ATP10B: variants seen among roughly 807,000 people sequenced by gnomAD.
The protein encoded by ATP10B is ATPase phospholipid transporting 10B (putative), also known as phospholipid-transporting ATPase VB.
ATP10B carries 122 observed loss-of-function variants against 141.2 expected under a neutral mutation model. That is an observed-to-expected ratio of 0.86 (90% confidence interval 0.75 to 1.00). ATP10B has a LOEUF of 1.00. Among genes scored for constraint, ATP10B ranks in the 50% least tolerant of loss-of-function variants. The pLI is 0.00. For synonymous variants in ATP10B, 685 were observed against 692.0 expected (o/e 0.99, Z 0.16); for missense variants, 1,876 against 1,825.3 (o/e 1.03, Z -0.51).
At chr5:160,610,125 A>G (rs962873009) in intron 18 of ATP10B, among the ~76,000 whole-genome samples, 1 of 152,170 alleles carries the variant, frequency 6.6e-6, no homozygotes, top group East Asian at 1.9e-4. Context: ...ACTGTGGTCT[A>G]GACCTAGAGA....
At chr5:160,734,310 A>T (rs1471147805) in intron 2 of ATP10B, among the ~76,000 whole-genome samples, 2 of 152,012 alleles carry the variant, frequency 1.3e-5, no homozygotes, top group Non-Finnish European at 2.9e-5. Context: ...GAAGTGGTAA[A>T]TATCTATATA....
chr5:160,918,364 A>G, the ATP10B span, among the ~76,000 whole-genome samples: 1 of 152,232 alleles, frequency 6.6e-6, no homozygotes, highest in East Asian at 1.9e-4. Context: ...GGACGTGGGC[A>G]GGGAAGGCTT....
chr5:160,878,905 TG>T, the ATP10B span, among the ~76,000 whole-genome samples: 2 of 147,378 alleles, frequency 1.4e-5, no homozygotes, highest in Middle Eastern at 3.4e-3. Flanking sequence ...GGAGAGGATG[TG>T]GAGAAATAGG....
In ATP10B at chr5:160,591,088, T is replaced by G. The variant is rs1353026244; in HGVS notation, c.3616A>C (p.Ser1206Arg). ...WISMVDAFYQ[S>R]LICFFIPYLA... The stretch of plus-strand genomic sequence containing the variant: ...TAAGGGATAAAGAAACAGATGAGGC[T>G]CTGGTAGAATGCATCCACCATAGAA... Residue 1206 changes from serine to arginine, a missense_variant, in exon 23 of 26, where the codon AGC (serine) becomes CGC (arginine). By Grantham distance (110) the Ser-to-Arg change is moderately radical. Transcript: ENST00000327245. 1 of 1,614,076 alleles carries G rather than the reference T, an allele frequency of 6.2e-7. No homozygotes were observed. The highest frequency in any genetic ancestry group is 8.5e-7 in the Non-Finnish European group (1 of 1,179,942).
At chr5:160,663,529 T>G (rs551917720) in intron 7 of ATP10B, among the ~76,000 whole-genome samples, 2 of 152,024 alleles carry the variant, frequency 1.3e-5, no homozygotes, top group Non-Finnish European at 2.9e-5. Context: ...CTCAGCAAAC[T>G]ATCGCAAGGA....
chr5:160,589,862 G>A (rs1433303608), intron 23 of ATP10B, among the ~76,000 whole-genome samples, 166 bp from the exon 24 acceptor site: 1 of 152,210 alleles, frequency 6.6e-6, no homozygotes, highest in African/African-American at 2.4e-5. Context: ...GGTAAGAAAG[G>A]AATTGATAGG....
At chr5:160,635,068 T>C (rs1581235891) in intron 11 of ATP10B, among the ~76,000 whole-genome samples, 1 of 152,356 alleles carries the variant, frequency 6.6e-6, no homozygotes, top group African/African-American at 2.4e-5. Context: ...TTCCTGGCTT[T>C]GAAGAACTTG....
At chr5:160,615,755 T>G in intron 17 of ATP10B, 83 bp downstream of exon 17, 1 of 1,536,340 alleles carries the variant, frequency 6.5e-7, no homozygotes, top group Non-Finnish European at 8.9e-7. Flanking sequence ...GACATATTAG[T>G]AGTGTCAGAA....
At chr5:160,580,514 T>C (rs913707727) in intron 24 of ATP10B, among the ~76,000 whole-genome samples, 1 of 152,208 alleles carries the variant, frequency 6.6e-6, no homozygotes, top group African/African-American at 2.4e-5. Context: ...TGAAGCTGAC[T>C]TGATTGTGGG....
At chr5:160,664,806 T>A (rs1762221607) in intron 7 of ATP10B, among the ~76,000 whole-genome samples, 1 of 152,206 alleles carries the variant, frequency 6.6e-6, no homozygotes. Context: ...GCCAGGGACA[T>A]GTTTGATCTG....
chr5:160,915,491 C>T, the ATP10B span, among the ~76,000 whole-genome samples: 1 of 152,034 alleles, frequency 6.6e-6, no homozygotes, highest in African/African-American at 2.4e-5. Flanking sequence ...GCCACCACAC[C>T]CACCTAATTT....
rs920584263 is a variant in ATP10B, at chr5:160,565,874, G to C, written c.3965C>G (p.Thr1322Ser). Reference protein sequence around the residue: ...PRYFFLSLQGTCGKSLISKAQ... With the variant: ...PRYFFLSLQGSCGKSLISKAQ... ...TTTTGAGATTAGAGACTTCCCACAA[G>C]TTCCTTGCAGAGACAGGAAAAAGTA... The change falls in exon 26 of 26, where the codon ACT becomes AGT. Residue 1322 changes from threonine to serine, a missense_variant. Physicochemically the swap from Thr to Ser is moderately conservative, Grantham distance 58. Coordinates refer to ENST00000327245, the MANE Select transcript of ATP10B (RefSeq NM_025153.3). 4 of 1,611,664 alleles carry C rather than the reference G, an allele frequency of 2.5e-6. No individual in the cohort carries two copies. The African/African-American group carries it at 5.4e-5, about 22-fold the overall frequency.
chr5:160,722,130 A>G (rs754109435), intron 2 of ATP10B, among the ~76,000 whole-genome samples: 1 of 152,238 alleles, frequency 6.6e-6, no homozygotes, highest in Non-Finnish European at 1.5e-5. Context: ...CCAAGCAAAC[A>G]AACACATTTC....
At chr5:160,834,296 G>A (rs1463129899) in intron 1 of ATP10B, among the ~76,000 whole-genome samples, 2 of 152,046 alleles carry the variant, frequency 1.3e-5, no homozygotes, top group East Asian at 3.9e-4. Context: ...CTGCACTCCA[G>A]CCTGGGAGAC....
At chr5:160,619,325 T>A (rs1177317391) in intron 15 of ATP10B, among the ~76,000 whole-genome samples, 1 of 152,192 alleles carries the variant, frequency 6.6e-6, no homozygotes, top group African/African-American at 2.4e-5. Context: ...AGTAACATTG[T>A]GTGTGTGACT....
intron 2 of ATP10B, among the ~76,000 whole-genome samples, chr5:160,745,237 TA>T (rs1285363716): frequency 6.6e-6 from 1 of 152,198 alleles, no homozygotes; most frequent in Non-Finnish European, 1.5e-5. Flanking sequence ...CACTTTTTTT[TA>T]AAAAGGTTTT....
the ATP10B span, among the ~76,000 whole-genome samples, chr5:160,882,798 T>G: frequency 6.6e-5 from 10 of 151,992 alleles, no homozygotes; most frequent in African/African-American, 2.4e-4. Flanking sequence ...ATGGAGGAGA[T>G]AAAATTGTGA....
intron 6 of ATP10B, chr5:160,684,712 C>A: frequency 1.7e-6 from 1 of 588,292 alleles, no homozygotes; most frequent in South Asian, 2.2e-5. Context: ...AACTGAACAG[C>A]TTCCCTGAAA....
At position 160,688,081 on chromosome 5, in the gene ATP10B, C is replaced by T. The variant is rs891491010; in HGVS notation, c.-7G>A. 6.2e-7 allele frequency: 1 copy of T among 1,609,488 alleles called. No individual in the cohort carries two copies. The highest frequency in any genetic ancestry group is 1.3e-5 in the African/African-American group (1 of 74,902). On this transcript the variant is annotated 5_prime_UTR_variant, in exon 5 of 26. Coordinates refer to ENST00000327245, the MANE Select transcript of ATP10B (RefSeq NM_025153.3). ...AGTCCACTGAGAGGGCCATTTCCAG[C>T]AGCAGGCGAAGATCTGAAAACAGAC... is the stretch of plus-strand genomic sequence containing the variant.
Sources: allele counts gnomAD v4.1 joint callset (sites outside exome capture counted in the v4.1 genomes callset), GRCh38; gene constraint gnomAD v4.1.1; transcripts MANE v1.5; gene names NCBI Gene and HGNC (gene_info 2026-07-23, HGNC 2026-07-21).